The following RAP1GAP2 variants were observed in gnomAD, a reference collection of about 807,000 sequenced individuals.
RAP1GAP2 encodes the protein RAP1 GTPase activating protein 2.
In RAP1GAP2, 27 loss-of-function variants were observed where a neutral mutation model predicts 95.0. That is an observed-to-expected ratio of 0.28 (90% CI 0.21 to 0.39). The LOEUF (loss-of-function observed/expected upper bound fraction) is 0.39, where lower values mean the gene tolerates loss of function less well. RAP1GAP2 is among the 10% of genes least tolerant of loss of function. RAP1GAP2 has a pLI of 1.00. For missense variants in RAP1GAP2, 771 were observed against 970.0 expected (o/e 0.79, Z 2.72); for synonymous variants, 373 against 380.9 (o/e 0.98, Z 0.24).
chr17:2,992,354 G>C (rs183523841), intron 12 of RAP1GAP2, among the ~76,000 whole-genome samples: 6 of 151,912 alleles, frequency 3.9e-5, no homozygotes, highest in African/African-American at 1.4e-4. Context: ...TAGAGACGGG[G>C]TTTCACCATG....
intron 2 of RAP1GAP2, among the ~76,000 whole-genome samples, chr17:2,840,313 A>G (rs1265702503): frequency 1.3e-5 from 2 of 150,766 alleles, no homozygotes; most frequent in African/African-American, 2.4e-5. Flanking sequence ...ACAGGCGCCC[A>G]CCACAACACC....
At chr17:2,786,946 CTTTTT>C (rs67990731) in intron 1 of RAP1GAP2, among the ~76,000 whole-genome samples, 1 of 58,250 alleles carries the variant, frequency 1.7e-5, no homozygotes, top group African/African-American at 7.5e-5. Flanking sequence ...CGCTCCCAGC[CTTTTT>C]TTTTTTTTTT....
At chr17:2,768,460 G>A (rs779236268) in intron 1 of RAP1GAP2, among the ~76,000 whole-genome samples, 68 of 152,182 alleles carry the variant, frequency 4.5e-4, no homozygotes, top group Non-Finnish European at 8.1e-4. Context: ...GGGAGGCCAA[G>A]GTGGGCGGAT....
chr17:2,916,710 G>T (rs1201021748), intron 3 of RAP1GAP2, among the ~76,000 whole-genome samples: 2 of 152,238 alleles, frequency 1.3e-5, no homozygotes, highest in Non-Finnish European at 2.9e-5. Context: ...TGGAGCATCT[G>T]ATACGCAGGT....
chr17:2,897,816 T>C (rs1201586072), intron 2 of RAP1GAP2, among the ~76,000 whole-genome samples: 1 of 152,082 alleles, frequency 6.6e-6, no homozygotes, highest in Non-Finnish European at 1.5e-5. Flanking sequence ...AATGAGGCTG[T>C]CGGGTGGCAT....
intron 2 of RAP1GAP2, among the ~76,000 whole-genome samples, chr17:2,873,163 A>G (rs1567729064): frequency 6.6e-6 from 1 of 151,156 alleles, no homozygotes; most frequent in African/African-American, 2.4e-5. Flanking sequence ...GTATTTGCAT[A>G]AAGAAGCTGC....
In RAP1GAP2 at chr17:2,870,920, G is replaced by T. The variant is rs2072817682; in HGVS notation, c.81-34364G>T. ...CCATGATGTTGGATCCATGGTTGTA[G>T]ATCCTTGTGGGCTAAACGTTTCATT... On this transcript the variant is annotated intron_variant, in intron 2 of 24. Transcript: ENST00000254695. The surrounding 1 kb of genome is among the most constrained non-coding windows in gnomAD (Gnocchi z 4.4). 6.6e-6 allele frequency among the ~76,000 whole-genome samples: 1 copy of T among 152,190 alleles called. No individual in the cohort carries two copies. Among genetic ancestry groups the T allele is most frequent in the South Asian group, 2.1e-4 (1 of 4,832 alleles).
chr17:2,891,888 A>T (rs1218683783), intron 2 of RAP1GAP2, among the ~76,000 whole-genome samples: 3 of 118,508 alleles, frequency 2.5e-5, no homozygotes, highest in African/African-American at 6.6e-5. Flanking sequence ...TAATGATGTG[A>T]TCTCGGCTCA....
At chr17:2,784,854 C>A (rs879276697) in intron 1 of RAP1GAP2, among the ~76,000 whole-genome samples, 16 of 152,336 alleles carry the variant, frequency 1.1e-4, no homozygotes, top group Non-Finnish European at 2.1e-4. Context: ...GGGTGGGGCT[C>A]AGGCAGAATT....
chr17:2,823,841 G>A (rs2070414664), intron 2 of RAP1GAP2, among the ~76,000 whole-genome samples: 1 of 152,102 alleles, frequency 6.6e-6, no homozygotes, highest in Admixed American at 6.6e-5. Context: ...ACAGCACATG[G>A]GGCCGGGCAC....
At position 2,995,470 on chromosome 17, in the gene RAP1GAP2, A is replaced by G; in HGVS notation, c.1044+4A>G. The G allele has an allele frequency of 6.2e-7, 1 of 1,613,548 alleles. No homozygotes were observed. Among genetic ancestry groups the G allele is most frequent in the African/African-American group, 1.3e-5 (1 of 75,054 alleles). ...TACCGACGGAGACGCCCAGCAGGTA[A>G]CCTGGTTTGGGAGGGCTTTGGGAGC... On this transcript the variant is annotated splice_donor_region_variant and intron_variant, in intron 13 of 24. Coordinates refer to ENST00000254695, the MANE Select transcript of RAP1GAP2 (RefSeq NM_015085.5).
At chr17:2,815,456 A>ATATTATTATTATTATTATTAC (rs2069967825) in intron 2 of RAP1GAP2, among the ~76,000 whole-genome samples, 2 of 140,138 alleles carry the variant, frequency 1.4e-5, no homozygotes, top group Non-Finnish European at 3.1e-5. Context: ...AACATCTCTG[A>ATATTATTATTATTATTATTAC]TATTATTATT....
At chr17:2,869,451 A>C (rs2072753919) in intron 2 of RAP1GAP2, among the ~76,000 whole-genome samples, 1 of 151,744 alleles carries the variant, frequency 6.6e-6, no homozygotes, top group African/African-American at 2.4e-5. Context: ...AAAAAAAAAA[A>C]CCTAAACAAA....
chr17:2,888,817 ATT>A (rs58533003), intron 2 of RAP1GAP2, among the ~76,000 whole-genome samples: 335 of 130,438 alleles, frequency 2.6e-3, no homozygotes, highest in Middle Eastern at 3.9e-3. Context: ...CGCCCAGCTA[ATT>A]TTTTTTTTTT....
At chr17:3,022,766 G>A (rs1318315080) in intron 19 of RAP1GAP2, among the ~76,000 whole-genome samples, 1 of 152,080 alleles carries the variant, frequency 6.6e-6, no homozygotes, top group Non-Finnish European at 1.5e-5. Context: ...TTTTGCTTTT[G>A]TTGTCTGTGG....
At chr17:2,979,353 C>T (rs1030714637) in intron 8 of RAP1GAP2, among the ~76,000 whole-genome samples, 1 of 151,938 alleles carries the variant, frequency 6.6e-6, no homozygotes, top group Non-Finnish European at 1.5e-5. Context: ...AAGCTGTGCT[C>T]AGTTCTTTGG....
At position 2,871,694 on chromosome 17, in the gene RAP1GAP2, A is replaced by G. The variant is rs59809910; in HGVS notation, c.81-33590A>G. On this transcript the variant is annotated intron_variant, in intron 2 of 24. Transcript: ENST00000254695. The surrounding 1 kb of genome is among the most constrained non-coding windows in gnomAD (Gnocchi z 5.0). ...GTTCAATTGGTACCATCCCATGGGC[A>G]GTACAGTTTGGCAGTAGCTGTCTCC... Among the ~76,000 whole-genome samples the G allele has an allele frequency of 0.16, 24,192 of 152,160 alleles. 2,340 individuals carry two copies. Among genetic ancestry groups the G allele is most frequent in the African/African-American group, 0.27 (11,193 of 41,482 alleles).
chr17:3,013,320 CT>C (rs1226919070), intron 17 of RAP1GAP2, among the ~76,000 whole-genome samples: 1 of 152,238 alleles, frequency 6.6e-6, no homozygotes, highest in African/African-American at 2.4e-5. Context: ...TTGCCCCCTC[CT>C]TTTCCTCCTG....
At position 2,927,352 on chromosome 17, in the gene RAP1GAP2, A is replaced by G. The variant is rs559593073; in HGVS notation, c.165+21984A>G. ...GTATTTTTAGTAGAGACGGGGTTTCACCGTGTTAGCCAGGATGGTCTCGAT... is the reference window on the plus strand; with the variant it reads ...GTATTTTTAGTAGAGACGGGGTTTCGCCGTGTTAGCCAGGATGGTCTCGAT... On this transcript the variant is annotated intron_variant, in intron 3 of 24. Transcript: ENST00000254695. 8.6e-5 allele frequency among the ~76,000 whole-genome samples: 13 copies of G among 151,806 alleles called. 1 individual carries two copies. The highest frequency in any genetic ancestry group is 3.4e-3 in the Middle Eastern group (1 of 292).
Sources: gnomAD v4.1 joint callset for allele counts (sites outside exome capture counted in the v4.1 genomes callset) on GRCh38, gnomAD v4.1.1 for gene constraint, Gnocchi (gnomAD v3.1) non-coding constraint, MANE v1.5 for transcripts, NCBI Gene and HGNC (gene_info 2026-07-23, HGNC 2026-07-21) for gene names.